The following UNC13C variants were observed in gnomAD, a reference collection of about 807,000 sequenced individuals.
UNC13C encodes the protein unc-13 homolog C.
UNC13C carries 174 observed loss-of-function variants against 245.4 expected under a neutral mutation model. The observed-to-expected ratio is 0.71, with a 90% CI of 0.63 to 0.80. UNC13C has a LOEUF of 0.80. UNC13C is among the 30% of genes least tolerant of loss of function. The probability of loss-of-function intolerance (pLI) is 0.00; values close to 1 mark genes in which losing one functional copy is unlikely to be tolerated. For missense variants in UNC13C, 2,829 were observed against 2,602.9 expected (o/e 1.09, Z -1.89); for synonymous variants, 992 against 895.1 (o/e 1.11, Z -1.93).
At chr15:53,919,684 G>A in the UNC13C span, among the ~76,000 whole-genome samples, 2 of 152,150 alleles carry the variant, frequency 1.3e-5, no homozygotes, top group Admixed American at 1.3e-4. Context: ...ATAAATCATA[G>A]AGTTACCAAG....
the UNC13C span, among the ~76,000 whole-genome samples, chr15:53,859,949 C>T: frequency 6.6e-6 from 1 of 152,138 alleles, no homozygotes; most frequent in Non-Finnish European, 1.5e-5. Flanking sequence ...CTGCACTGTC[C>T]TCTTGCTCCT....
intron 17 of UNC13C, among the ~76,000 whole-genome samples, chr15:54,349,300 GA>G (rs1347296874): frequency 2.6e-5 from 4 of 151,424 alleles, no homozygotes; most frequent in Non-Finnish European, 5.9e-5. Flanking sequence ...AAAAATATAT[GA>G]AAATTCAGAG....
At chr15:54,155,456 A>G (rs996772184) in intron 4 of UNC13C, among the ~76,000 whole-genome samples, 5 of 152,216 alleles carry the variant, frequency 3.3e-5, no homozygotes, top group Admixed American at 1.3e-4. Flanking sequence ...TTTCTTTATA[A>G]GAGGAGCGAG....
the UNC13C span, among the ~76,000 whole-genome samples, chr15:53,924,138 C>T: frequency 6.7e-5 from 10 of 149,392 alleles, no homozygotes; most frequent in African/African-American, 1.5e-4. Flanking sequence ...ACCCAGGAGA[C>T]GGAGGTTGCA....
In UNC13C at chr15:54,516,434, C is replaced by G. The variant is rs368905247; in HGVS notation, c.5457+4604C>G. Among the ~76,000 whole-genome samples, 4 of 152,278 alleles carry G rather than the reference C, an allele frequency of 2.6e-5. 1 individual carries two copies. Among genetic ancestry groups the G allele is most frequent in the East Asian group, 1.9e-4 (1 of 5,170 alleles). On this transcript the variant is annotated intron_variant, in intron 24 of 32. Transcript: ENST00000260323. ...GGGCAGGGCCAGGTGATTTGCATTT[C>G]TAACGAATCTCTGGGTGACGCTGAT...
At chr15:53,991,656 CT>C (rs1279666382) in intron 1 of UNC13C, among the ~76,000 whole-genome samples, 1 of 152,004 alleles carries the variant, frequency 6.6e-6, no homozygotes, top group Non-Finnish European at 1.5e-5. Flanking sequence ...CTTCTTGCCT[CT>C]AGGAACTGCA....
chr15:53,915,513 T>C, the UNC13C span, among the ~76,000 whole-genome samples: 1 of 152,136 alleles, frequency 6.6e-6, no homozygotes, highest in Non-Finnish European at 1.5e-5. Flanking sequence ...TTATGACCAA[T>C]GAAGGATAGA....
At chr15:54,589,207 T>C (rs1898640944) in intron 30 of UNC13C, among the ~76,000 whole-genome samples, 1 of 152,018 alleles carries the variant, frequency 6.6e-6, no homozygotes, top group African/African-American at 2.4e-5. Context: ...CATTGTGGTT[T>C]TGATTTGCAT....
the UNC13C span, among the ~76,000 whole-genome samples, chr15:53,954,718 G>T: frequency 2.7e-4 from 41 of 152,294 alleles, no homozygotes; most frequent in Admixed American, 1.4e-3. Context: ...AGCTTATAAA[G>T]AAATAGTGAT....
chr15:54,290,425 C>A (rs2037266625), intron 10 of UNC13C, among the ~76,000 whole-genome samples: 1 of 151,954 alleles, frequency 6.6e-6, no homozygotes, highest in Non-Finnish European at 1.5e-5. Context: ...AAAAAACAGT[C>A]AACCAGAAAT....
chr15:54,392,951 C>A (rs1426793737), intron 17 of UNC13C, 97 bp from the exon 18 acceptor site: 2 of 1,341,148 alleles, frequency 1.5e-6, no homozygotes, highest in Non-Finnish European at 2.0e-6. Context: ...TTCATTTCCA[C>A]AATCATTTTT....
chr15:53,958,853 A>T, the UNC13C span, among the ~76,000 whole-genome samples: 1 of 152,100 alleles, frequency 6.6e-6, no homozygotes, highest in African/African-American at 2.4e-5. Flanking sequence ...ATCGATTATT[A>T]TTAACTATAA....
At chr15:54,064,239 T>C (rs935019874) in intron 2 of UNC13C, among the ~76,000 whole-genome samples, 3 of 152,202 alleles carry the variant, frequency 2.0e-5, no homozygotes, top group South Asian at 2.1e-4. Flanking sequence ...AACAGAGAGA[T>C]CTATGGCTCC....
intron 7 of UNC13C, among the ~76,000 whole-genome samples, chr15:54,241,083 A>G (rs1280152062): frequency 6.6e-6 from 1 of 152,200 alleles, no homozygotes; most frequent in Non-Finnish European, 1.5e-5. Flanking sequence ...GGAAGCTTCT[A>G]GTAGGCAAGA....
chr15:54,597,786 T>C (rs1899179564), intron 30 of UNC13C, among the ~76,000 whole-genome samples: 1 of 152,148 alleles, frequency 6.6e-6, no homozygotes, highest in Non-Finnish European at 1.5e-5. Flanking sequence ...AATCACATTA[T>C]GTACAATTTT....
At position 54,202,240 on chromosome 15, in the gene UNC13C, C is replaced by T. The variant is rs576466059; in HGVS notation, c.3072-32790C>T. Among the ~76,000 whole-genome samples, 406 of 152,040 alleles carry T rather than the reference C, an allele frequency of 2.7e-3. 4 individuals carry two copies. The highest frequency in any genetic ancestry group is 6.8e-3 in the Middle Eastern group (2 of 294). On this transcript the variant is annotated intron_variant, in intron 4 of 32. Transcript: ENST00000260323. The stretch of plus-strand genomic sequence containing the variant: ...AATCAATATTGTGAAAAGGACCATA[C>T]TGCCAAAAGCAATCTACAAATTCGA...
At chr15:54,119,132 T>G (rs1366400158) in intron 2 of UNC13C, among the ~76,000 whole-genome samples, 3 of 152,042 alleles carry the variant, frequency 2.0e-5, no homozygotes, top group Non-Finnish European at 2.9e-5. Flanking sequence ...CATCAGGTCC[T>G]GGGCTTTTCT....
chr15:54,112,070 G>T (rs769724937), intron 2 of UNC13C, among the ~76,000 whole-genome samples: 8 of 152,098 alleles, frequency 5.3e-5, no homozygotes, highest in Non-Finnish European at 8.8e-5. Flanking sequence ...GGTATAGTTA[G>T]GGAACCTGTG....
At chr15:54,202,455 T>C (rs1004571267) in intron 4 of UNC13C, among the ~76,000 whole-genome samples, 1 of 151,992 alleles carries the variant, frequency 6.6e-6, no homozygotes, top group African/African-American at 2.4e-5. Flanking sequence ...AGCATAGTAC[T>C]GGTATAAAAA....
Sources: allele counts gnomAD v4.1 joint callset (sites outside exome capture counted in the v4.1 genomes callset), GRCh38; gene constraint gnomAD v4.1.1; transcripts MANE v1.5; gene names NCBI Gene and HGNC (gene_info 2026-07-23, HGNC 2026-07-21).